SPAST: variants seen among roughly 807,000 people sequenced by gnomAD.
SPAST encodes spastin.
SPAST carries 30 observed loss-of-function variants against 76.6 expected under a neutral mutation model. That is an observed-to-expected ratio of 0.39 (90% CI 0.29 to 0.53). SPAST has a LOEUF of 0.53. SPAST is among the 20% of genes least tolerant of loss of function. The probability of loss-of-function intolerance (pLI) is 0.68; values close to 1 mark genes in which losing one functional copy is unlikely to be tolerated. For missense variants in SPAST, 717 were observed against 770.5 expected, an observed-to-expected ratio of 0.93 and a Z score of 0.82; for synonymous variants, 305 against 281.0, an observed-to-expected ratio of 1.09 and a Z score of -0.86.
intron 8 of SPAST, chr2:32,127,838 C>A (rs1679244694): frequency 6.6e-6 from 1 of 152,138 alleles, no homozygotes; most frequent in Admixed American, 6.6e-5. Flanking sequence ...ATAACACTGT[C>A]TCTCTTTTTT....
chr2:32,085,819 T>C (rs929746071), intron 1 of SPAST, among the ~76,000 whole-genome samples: 5 of 151,716 alleles, frequency 3.3e-5, no homozygotes, highest in Admixed American at 6.6e-5. Context: ...GGTGGGAGGA[T>C]CACAACAAGG....
intron 4 of SPAST, among the ~76,000 whole-genome samples, chr2:32,110,808 CTATATAG>C (rs1416265053): frequency 4.0e-5 from 5 of 124,368 alleles, no homozygotes; most frequent in African/African-American, 1.2e-4. Context: ...ACATAGTATA[CTATATAG>C]TATATAGAGT....
At chr2:32,069,822 G>C (rs982012074) in intron 1 of SPAST, among the ~76,000 whole-genome samples, 6 of 152,078 alleles carry the variant, frequency 3.9e-5, no homozygotes, top group Non-Finnish European at 4.4e-5. Context: ...GCCTCCCAAA[G>C]TGTTGGGATT....
chr2:32,089,473 C>A, intron 2 of SPAST, 49 bp from the exon 3 acceptor site: 3 of 1,025,878 alleles, frequency 2.9e-6, no homozygotes, highest in East Asian at 2.4e-5. Flanking sequence ...TATCGTGAAA[C>A]AATATTAGTT....
chr2:32,136,101 A>AG (rs1040102261), intron 9 of SPAST, among the ~76,000 whole-genome samples: 1 of 152,098 alleles, frequency 6.6e-6, no homozygotes. Context: ...AAAAAAAAAA[A>AG]AGAAATTTTG....
intron 13 of SPAST, among the ~76,000 whole-genome samples, chr2:32,142,631 T>C (rs1341410484): frequency 6.6e-6 from 1 of 151,984 alleles, no homozygotes; most frequent in Non-Finnish European, 1.5e-5. Context: ...GCCAGGATGG[T>C]GTGATCCGCC....
rs544903241 is a variant in SPAST at position 32,153,365 on chromosome 2, C to T, written c.1729-1009C>T. ...TTGAGAGGGAGTCTCACTCATTGCC[C>T]AAGCTGGAGTGCAATGGCACGATCT... On this transcript the variant is annotated intron_variant, in intron 16 of 16. Transcript: ENST00000315285. 3.0e-5 allele frequency among the ~76,000 whole-genome samples: 4 copies of T among 133,348 alleles called. No individual in the cohort carries two copies. In the South Asian group the frequency reaches 9.2e-4, roughly 31 times the overall value. 87.5% of individuals were successfully genotyped at this position (133,348 alleles called of 152,430 possible). A position where few individuals can be genotyped will look rare whatever the true frequency, so the allele number is the denominator to read the frequency against.
intron 14 of SPAST, among the ~76,000 whole-genome samples, chr2:32,144,729 C>T (rs972177278): frequency 6.7e-6 from 1 of 148,578 alleles, no homozygotes; most frequent in African/African-American, 2.5e-5. Flanking sequence ...ATACTAAATA[C>T]AAAAAAAAAA....
At chr2:32,080,705 G>A (rs866848805) in intron 1 of SPAST, among the ~76,000 whole-genome samples, 1 of 149,008 alleles carries the variant, frequency 6.7e-6, no homozygotes, top group East Asian at 2.0e-4. Flanking sequence ...GTTATGGGCT[G>A]TAGTTTGCCA....
chr2:32,117,405 A>G (rs1406402661), intron 7 of SPAST, among the ~76,000 whole-genome samples: 1 of 152,120 alleles, frequency 6.6e-6, no homozygotes, highest in Non-Finnish European at 1.5e-5. Context: ...GGTAAACTCC[A>G]TCGAAGGCTA....
chr2:32,110,370 G>A lies in SPAST; in HGVS notation c.683-4268G>A, dbSNP rs182732858. On this transcript the variant is annotated intron_variant, in intron 4 of 16. Transcript: ENST00000315285. ...CCTGACCTCGTGATCCACCCGCCTC[G>A]GCCTCCCAAAGTGCTGGGATTACAG... 2.1e-4 allele frequency among the ~76,000 whole-genome samples: 32 copies of A among 148,852 alleles called. No homozygotes were observed. The East Asian group carries it at 5.1e-3, about 24-fold the overall frequency.
At chr2:32,113,932 G>A (rs1573116775) in intron 4 of SPAST, among the ~76,000 whole-genome samples, 1 of 150,648 alleles carries the variant, frequency 6.6e-6, no homozygotes. Flanking sequence ...TAAAAATACT[G>A]TTTTTTGTTT....
In SPAST at chr2:32,095,503, G is replaced by A. The variant is rs370566989; in HGVS notation, c.587-3293G>A. ...TCCTAGCACTTTGGGAGGTTGAGTC[G>A]GGGGTATTGCTTGAGTCCAGGAGTT... is the stretch of plus-strand genomic sequence containing the variant. On this transcript the variant is annotated intron_variant, in intron 3 of 16. Transcript: ENST00000315285. 9.9e-5 allele frequency among the ~76,000 whole-genome samples: 15 copies of A among 151,982 alleles called. No individual in the cohort carries two copies. The East Asian group carries it at 2.7e-3, about 27-fold the overall frequency.
chr2:32,087,695 T>TTTTTTTTTTTTTTTTTTTTTTC (rs1677546480), intron 2 of SPAST, 117 bp downstream of exon 2: 1 of 94,524 alleles, frequency 1.1e-5, no homozygotes, highest in Non-Finnish European at 2.0e-5. Flanking sequence ...TTTTCTTTTC[T>TTTTTTTTTTTTTTTTTTTTTTC]TTTTTTTTTT....
At chr2:32,073,297 T>G (rs1034066704) in intron 1 of SPAST, among the ~76,000 whole-genome samples, 2 of 152,084 alleles carry the variant, frequency 1.3e-5, no homozygotes, top group African/African-American at 4.8e-5. Context: ...CCCCTCAAAG[T>G]GTTAGGATTA....
At chr2:32,136,672 A>G (rs776924846) in intron 10 of SPAST, 34 bp downstream of exon 10, 13 of 1,516,106 alleles carry the variant, frequency 8.6e-6, no homozygotes, top group South Asian at 3.4e-5. Flanking sequence ...GTTATTGACT[A>G]TTTGTGAAAT....
intron 4 of SPAST, among the ~76,000 whole-genome samples, chr2:32,107,333 C>T (rs1487864515): frequency 6.6e-6 from 1 of 152,068 alleles, no homozygotes; most frequent in Non-Finnish European, 1.5e-5. Context: ...CCTCCCCTAA[C>T]CCCATCCCTG....
chr2:32,090,126 CTTGA>C (rs1419389887), intron 3 of SPAST, among the ~76,000 whole-genome samples: 3 of 152,340 alleles, frequency 2.0e-5, no homozygotes, highest in African/African-American at 7.2e-5. Flanking sequence ...CACTATCAGT[CTTGA>C]TTTATTTATA....
chr2:32,078,491 T>C (rs1351278624), intron 1 of SPAST, among the ~76,000 whole-genome samples: 2 of 152,086 alleles, frequency 1.3e-5, no homozygotes, highest in Non-Finnish European at 2.9e-5. Context: ...TCTACAACAA[T>C]TAAAAAATAT....
Sources: allele counts gnomAD v4.1 joint callset (sites outside exome capture counted in the v4.1 genomes callset), GRCh38; gene constraint gnomAD v4.1.1; transcripts MANE v1.5; gene names NCBI Gene and HGNC (gene_info 2026-07-23, HGNC 2026-07-21).